The following SLC17A6 variants were observed in gnomAD, a reference collection of about 807,000 sequenced individuals.
The protein encoded by SLC17A6 is vesicular glutamate transporter 2.
A neutral mutation model predicts 67.1 loss-of-function variants in SLC17A6; 35 were observed. That is an observed-to-expected ratio of 0.52 (90% CI 0.40 to 0.69). The LOEUF (loss-of-function observed/expected upper bound fraction) is 0.69. Among genes scored for constraint, SLC17A6 ranks in the 30% least tolerant of loss-of-function variants. The probability of loss-of-function intolerance (pLI) is 0.00; values close to 1 mark genes in which losing one functional copy is unlikely to be tolerated. For missense variants in SLC17A6, 588 were observed against 723.9 expected, an observed-to-expected ratio of 0.81 and a Z score of 2.15; for synonymous variants, 285 against 252.3, an observed-to-expected ratio of 1.13 and a Z score of -1.23.
At chr11:22,374,137 C>A (rs1245058412) in intron 8 of SLC17A6, among the ~76,000 whole-genome samples, 2 of 151,890 alleles carry the variant, frequency 1.3e-5, no homozygotes, top group Non-Finnish European at 2.9e-5. Flanking sequence ...GATCTTGGTG[C>A]GTAAAGTTTT....
intron 7 of SLC17A6, among the ~76,000 whole-genome samples, chr11:22,369,289 G>C (rs1387438433): frequency 6.6e-6 from 1 of 151,842 alleles, no homozygotes; most frequent in Non-Finnish European, 1.5e-5. Context: ...GTACAATTAG[G>C]TTTAATTTTT....
At position 22,378,172 on chromosome 11, in the gene SLC17A6, C is replaced by A. The variant is rs141159602; in HGVS notation, c.*432C>A. The A allele has an allele frequency of 6.6e-5, 11 of 166,150 alleles. No individual in the cohort carries two copies. The South Asian group carries it at 1.2e-3, about 18-fold the overall frequency. The allele number at this position is 166,150 out of a possible 1,614,324, so 10.3% of individuals were successfully genotyped here. Reference sequence around the variant, plus strand: ...AGAAGTTGGCTGCGTCAAGTAGAGGCGACATTTATTAAGTGAAAATCATGG... The same window carrying A: ...AGAAGTTGGCTGCGTCAAGTAGAGGAGACATTTATTAAGTGAAAATCATGG... On this transcript the variant is annotated 3_prime_UTR_variant, in exon 12 of 12. Transcript: ENST00000263160.
intron 3 of SLC17A6, among the ~76,000 whole-genome samples, chr11:22,358,596 G>A (rs1856016007): frequency 6.6e-6 from 1 of 152,182 alleles, no homozygotes; most frequent in African/African-American, 2.4e-5. Flanking sequence ...TCCCGAAGAA[G>A]TGCTGGGGTT....
intron 3 of SLC17A6, among the ~76,000 whole-genome samples, chr11:22,348,160 G>T (rs763786293): frequency 1.5e-4 from 23 of 152,112 alleles, no homozygotes; most frequent in Non-Finnish European, 3.2e-4. Flanking sequence ...CTTGTCTGAT[G>T]ATACATGATG....
intron 2 of SLC17A6, among the ~76,000 whole-genome samples, chr11:22,342,548 T>C (rs1009275901): frequency 1.3e-5 from 2 of 152,170 alleles, no homozygotes; most frequent in Middle Eastern, 3.2e-3. Context: ...GATGTAAATA[T>C]TGAGCCCCAG....
chr11:22,346,976 G>C (rs901545662), intron 3 of SLC17A6, among the ~76,000 whole-genome samples: 4 of 151,362 alleles, frequency 2.6e-5, no homozygotes, highest in African/African-American at 9.7e-5. Context: ...CTTTATTTAG[G>C]TGGTGATATT....
At chr11:22,340,150 C>G (rs1855799033) in intron 1 of SLC17A6, among the ~76,000 whole-genome samples, 1 of 152,202 alleles carries the variant, frequency 6.6e-6, no homozygotes, top group Admixed American at 6.5e-5. Flanking sequence ...AAAAATTTCA[C>G]TTGCTTTACC....
chr11:22,339,383 CT>C (rs1165239144), intron 1 of SLC17A6, among the ~76,000 whole-genome samples: 1 of 151,488 alleles, frequency 6.6e-6, no homozygotes, highest in African/African-American at 2.4e-5. Context: ...TTATTTTCAT[CT>C]CCTAGAGTCT....
rs181185534 is a variant in SLC17A6, at chr11:22,374,293, G to A, written c.1042-462G>A. ...TGGGATCTTACTCTATAGAAATTAT[G>A]TCTGTGCTATAAAACTCATGATATA... On this transcript the variant is annotated intron_variant, in intron 8 of 11. Coordinates refer to ENST00000263160, the MANE Select transcript of SLC17A6 (RefSeq NM_020346.3). Among the ~76,000 whole-genome samples the A allele has an allele frequency of 2.2e-3, 331 of 152,170 alleles. 3 individuals are homozygous for A. The highest frequency in any genetic ancestry group is 7.4e-3 in the African/African-American group (305 of 41,494).
In SLC17A6 at chr11:22,343,365, G is replaced by T. The variant is rs536628332; in HGVS notation, c.458G>T (p.Arg153Met). 6.2e-7 allele frequency: 1 copy of T among 1,607,718 alleles called. No homozygotes were observed. Among genetic ancestry groups the T allele is most frequent in the South Asian group, 1.1e-5 (1 of 90,006 alleles). Residue 153 changes from arginine (R) to methionine (M), a missense_variant and splice_region_variant, in exon 3 of 12, where the codon AGG becomes ATG. Physicochemically the swap from Arg to Met is moderately conservative, Grantham distance 91. Around this residue, in one of 4 missense-constraint regions of SLC17A6, gnomAD observed 414 missense variants for 563.4 expected, o/e 0.73. Coordinates refer to ENST00000263160, the MANE Select transcript of SLC17A6 (RefSeq NM_020346.3). Reference sequence around the variant, plus strand: ...ATCGCGTCTCGGCTGGCAGCCAACAGGTAATGCGCCAGGCGGGACTGGGGC... The same window carrying T: ...ATCGCGTCTCGGCTGGCAGCCAACATGTAATGCGCCAGGCGGGACTGGGGC... The part of the protein sequence containing the change: ...GYIASRLAAN[R>M]VFGAAILLTS...
chr11:22,361,054 T>C, intron 5 of SLC17A6, 70 bp downstream of exon 5: 1 of 1,349,376 alleles, frequency 7.4e-7, no homozygotes, highest in South Asian at 1.3e-5. Context: ...GAATTGAAAA[T>C]TTGGTAAACT....
At chr11:22,376,761 G>C (rs1483503241) in intron 11 of SLC17A6, 89 bp downstream of exon 11, 10 of 1,412,634 alleles carry the variant, frequency 7.1e-6, no homozygotes, top group Non-Finnish European at 8.9e-6. Context: ...ATTATCCTTA[G>C]CATTTTCTTT....
rs1564976540 is a variant in SLC17A6 at position 22,339,170 on chromosome 11, A to T, written c.86+551A>T. ...ATATATAGTTATATATATATGTTAT[A>T]TATATATGTTTTATATATATATATA... On this transcript the variant is annotated intron_variant, in intron 1 of 11. Coordinates refer to ENST00000263160, the MANE Select transcript of SLC17A6 (RefSeq NM_020346.3). Among the ~76,000 whole-genome samples the T allele has an allele frequency of 4.5e-4, 27 of 60,028 alleles. 4 individuals are homozygous for T. The highest frequency in any genetic ancestry group is 1.7e-3 in the African/African-American group (24 of 13,896). The allele number at this position is 60,028 out of a possible 152,430, so 39.4% of individuals were successfully genotyped here.
At chr11:22,368,784 C>A (rs1300490190) in intron 7 of SLC17A6, among the ~76,000 whole-genome samples, 1 of 151,984 alleles carries the variant, frequency 6.6e-6, no homozygotes, top group Non-Finnish European at 1.5e-5. Flanking sequence ...ATATTGATTT[C>A]TTTTTAAAAA....
At chr11:22,372,502 C>G (rs1044829721) in intron 8 of SLC17A6, among the ~76,000 whole-genome samples, 3 of 151,828 alleles carry the variant, frequency 2.0e-5, no homozygotes, top group African/African-American at 7.3e-5. Context: ...CCAGCACTTT[C>G]AAAGGTCAGA....
In SLC17A6 at chr11:22,341,456, A is replaced by G. The variant is rs191016658; in HGVS notation, c.87-72A>G. On this transcript the variant is annotated intron_variant, in intron 1 of 11. Coordinates refer to ENST00000263160, the MANE Select transcript of SLC17A6 (RefSeq NM_020346.3). ...CCTCCCAACCCCGACGGGTCCTGAAAAATGGGAATGGGTCAGCATCGGGGG... is the reference window on the plus strand; with the variant it reads ...CCTCCCAACCCCGACGGGTCCTGAAGAATGGGAATGGGTCAGCATCGGGGG... 7.3e-4 allele frequency: 1,143 copies of G among 1,558,208 alleles called. 2 individuals carry two copies. The highest frequency in any genetic ancestry group is 5.6e-4 in the Non-Finnish European group (650 of 1,154,328).
At chr11:22,353,989 C>T (rs1486098605) in intron 3 of SLC17A6, among the ~76,000 whole-genome samples, 1 of 152,194 alleles carries the variant, frequency 6.6e-6, no homozygotes, top group Non-Finnish European at 1.5e-5. Flanking sequence ...GACTCAGAAA[C>T]TCTAACACCT....
Position 22,341,624 on chromosome 11 carries a change from C to T in SLC17A6, c.183C>T (p.Asp61=). 1.9e-6 allele frequency: 3 copies of T among 1,614,034 alleles called. No homozygotes were observed. The East Asian group carries it at 6.7e-5, about 36-fold the overall frequency. ...CCGAGAGGAAGGCGCCGCTGTGCGA[C>T]TGCACGTGCTTCGGCCTGCCCCGCC... ...EVPERKAPLC[D]CTCFGLPRRY... Residue 61 remains aspartate (D), a synonymous_variant, in exon 2 of 12, where the codon GAC becomes GAT. Coordinates refer to ENST00000263160, the MANE Select transcript of SLC17A6 (RefSeq NM_020346.3).
At chr11:22,359,346 G>T (rs1170779814) in intron 3 of SLC17A6, 67 bp from the exon 4 acceptor site, 3 of 921,480 alleles carry the variant, frequency 3.3e-6, no homozygotes, top group Non-Finnish European at 4.6e-6. Context: ...CTTCTCCTGA[G>T]AAATTTAGAT....
Sources: gnomAD v4.1 joint callset for allele counts (sites outside exome capture counted in the v4.1 genomes callset) on GRCh38, gnomAD v4.1.1 for gene constraint, gnomAD v4.1.1 regional missense constraint, MANE v1.5 for transcripts, NCBI Gene and HGNC (gene_info 2026-07-23, HGNC 2026-07-21) for gene names.